The following PANX2 variants were observed in gnomAD, a reference collection of about 807,000 sequenced individuals.
The protein encoded by PANX2 is pannexin 2.
Under a neutral mutation model 38.7 loss-of-function variants are expected in PANX2, and 30 were observed. That is an observed-to-expected ratio of 0.78 (90% CI 0.58 to 1.05). PANX2 has a LOEUF of 1.05. Ranked by LOEUF, PANX2 falls within the 50% of genes least tolerant of loss-of-function variation. PANX2 has a pLI of 0.00. For missense variants in PANX2, 880 were observed against 979.3 expected, an observed-to-expected ratio of 0.90 and a Z score of 1.35; for synonymous variants, 539 against 472.1, an observed-to-expected ratio of 1.14 and a Z score of -1.84.
Position 50,177,277 on chromosome 22 carries a change from G to GAGCGCGAGA in PANX2, c.575_583dup (p.Lys192_Glu194dup). On this transcript the variant is annotated inframe_insertion, in exon 2 of 3. Transcript: ENST00000395842. ...CCAGTCCAAGGGCCCGGGCATCACG[G>GAGCGCGAGA]AGCGCGAGAAGCGCGAGATCATCGA... 1 of 1,612,390 alleles carries GAGCGCGAGA rather than the reference G, an allele frequency of 6.2e-7. No individual in the cohort carries two copies. Among genetic ancestry groups the GAGCGCGAGA allele is most frequent in the Admixed American group, 1.7e-5 (1 of 59,948 alleles).
In PANX2 at chr22:50,179,289, G is replaced by C; in HGVS notation, c.*12G>C. ...CTGTGGAGTTTTGAGGGATGGCACC[G>C]TCCAGGCCGCCGAGAGCCCCTCTGC... is the stretch of plus-strand genomic sequence containing the variant. On this transcript the variant is annotated 3_prime_UTR_variant, in exon 3 of 3. Transcript: ENST00000395842. 1 of 1,605,806 alleles carries C rather than the reference G, an allele frequency of 6.2e-7. No homozygotes were observed. Among genetic ancestry groups the C allele is most frequent in the African/African-American group, 1.3e-5 (1 of 74,908 alleles).
Position 50,179,529 on chromosome 22 carries a change from T to C in PANX2, c.*252T>C. On this transcript the variant is annotated 3_prime_UTR_variant, in exon 3 of 3. Coordinates refer to ENST00000395842, the MANE Select transcript of PANX2 (RefSeq NM_052839.4). ...CAGTGGAGCCGGTGGCCAGGAAGGC[T>C]GAAGCCCGCTTCCCATGCTCCTGCA... is the stretch of plus-strand genomic sequence containing the variant. 1.9e-6 allele frequency: 1 copy of C among 526,258 alleles called. No individual in the cohort carries two copies. 32.6% of individuals were successfully genotyped at this position (526,258 alleles called of 1,614,324 possible).
chr22:50,177,395 T>C lies in PANX2; in HGVS notation c.683T>C (p.Leu228Pro). The change falls in exon 2 of 3, where the codon CTG (leucine) becomes CCG (proline). Residue 228 changes from leucine (L) to proline (P), a missense_variant. This residue lies in a region of PANX2 where 243 missense variants were observed against 333.1 expected (regional missense o/e 0.73). Coordinates refer to ENST00000395842, the MANE Select transcript of PANX2 (RefSeq NM_052839.4). Reference protein sequence around the residue: ...GRSNFLAKLYLARHVLILLLS... With the variant: ...GRSNFLAKLYPARHVLILLLS... ...AGCAACTTCCTGGCCAAGCTGTACC[T>C]GGCGCGGCACGTGCTGATCCTGCTG... is the stretch of plus-strand genomic sequence containing the variant. The C allele has an allele frequency of 1.9e-6, 3 of 1,609,654 alleles. No homozygotes were observed. The highest frequency in any genetic ancestry group is 2.5e-6 in the Non-Finnish European group (3 of 1,178,578).
chr22:50,178,616 G>A (rs2063679477), intron 2 of PANX2, among the ~76,000 whole-genome samples: 2 of 152,326 alleles, frequency 1.3e-5, no homozygotes, highest in East Asian at 1.9e-4. Context: ...GCAGGGCCCT[G>A]GAGACCCCCC....
rs1340702585 is a variant in PANX2 at position 50,177,001 on chromosome 22, G to A, written c.289G>A (p.Gly97Ser). Residue 97 changes from glycine (G) to serine (S), a missense_variant, in exon 2 of 3, where the codon GGC becomes AGC. Coordinates refer to ENST00000395842, the MANE Select transcript of PANX2 (RefSeq NM_052839.4). ...FTRDQALYAR[G>S]YCWTELRDAL... ...GCGCGACCAGGCGCTGTACGCCCGC[G>A]GCTACTGCTGGACGGAGCTGCGGGA... The A allele has an allele frequency of 1.3e-6, 2 of 1,594,910 alleles. No homozygotes were observed. Among genetic ancestry groups the A allele is most frequent in the South Asian group, 1.1e-5 (1 of 89,338 alleles).
intron 1 of PANX2, among the ~76,000 whole-genome samples, chr22:50,173,977 C>T (rs1038625308): frequency 6.6e-6 from 1 of 152,130 alleles, no homozygotes; most frequent in East Asian, 1.9e-4. Flanking sequence ...CCACAGGCTC[C>T]GGGGTTGGGA....
At chr22:50,176,474 C>T (rs2063661725) in intron 1 of PANX2, among the ~76,000 whole-genome samples, 1 of 152,116 alleles carries the variant, frequency 6.6e-6, no homozygotes, top group Non-Finnish European at 1.5e-5. Flanking sequence ...ACCCTGCCAG[C>T]TAGCAGCACC....
Position 50,179,223 on chromosome 22 carries a change from C to G in PANX2, c.1980C>G (p.Ile660Met). Residue 660 changes from isoleucine (I) to methionine (M), a missense_variant, in exon 3 of 3, where the codon ATC becomes ATG. Ile to Met is a conservative substitution (Grantham distance 10). This residue lies in a region of PANX2 where 445 missense variants were observed against 404.3 expected (regional missense o/e 1.10). Transcript: ENST00000395842. ...DLIAIPAPQQILIATFDEPRT... is the reference protein window; with the variant it reads ...DLIAIPAPQQMLIATFDEPRT... Reference sequence around the variant, plus strand: ...TCGCCATCCCTGCCCCACAGCAGATCCTCATCGCCACCTTCGACGAGCCGA... The same window carrying G: ...TCGCCATCCCTGCCCCACAGCAGATGCTCATCGCCACCTTCGACGAGCCGA... 1 of 1,612,750 alleles carries G rather than the reference C, an allele frequency of 6.2e-7. No individual in the cohort carries two copies. Among genetic ancestry groups the G allele is most frequent in the South Asian group, 1.1e-5 (1 of 91,082 alleles).
chr22:50,175,445 C>G, intron 1 of PANX2: 1 of 1,300,894 alleles, frequency 7.7e-7, no homozygotes, highest in South Asian at 1.2e-5. Context: ...GGACGCTCTT[C>G]TCTGGCTCCT....
rs145485598 is a variant in PANX2, at chr22:50,179,103, C to T, written c.1860C>T (p.Asn620=). 3 of 1,611,934 alleles carry T rather than the reference C, an allele frequency of 1.9e-6. No individual in the cohort carries two copies. The highest frequency in any genetic ancestry group is 2.2e-5 in the East Asian group (1 of 44,830). The part of the protein sequence containing the change: ...KAEPLTILSR[N]ATHPLLHINT... ...AGCCCCTCACCATCCTGAGCCGAAACGCCACACACCCGCTGCTGCACATCA... is the reference window on the plus strand; with the variant it reads ...AGCCCCTCACCATCCTGAGCCGAAATGCCACACACCCGCTGCTGCACATCA... The change falls in exon 3 of 3, where the codon AAC becomes AAT. Residue 620 remains asparagine, a synonymous_variant. Coordinates refer to ENST00000395842, the MANE Select transcript of PANX2 (RefSeq NM_052839.4).
At position 50,178,265 on chromosome 22, in the gene PANX2, A is replaced by G. The variant is rs1415921894; in HGVS notation, c.1553A>G (p.His518Arg). 6.9e-7 allele frequency: 1 copy of G among 1,444,636 alleles called. No homozygotes were observed. Among genetic ancestry groups the G allele is most frequent in the Admixed American group, 2.2e-5 (1 of 46,228 alleles). 89.5% of individuals were successfully genotyped at this position (1,444,636 alleles called of 1,614,324 possible). Reference protein sequence around the residue: ...KHARHFSLDVHPYILGTKKAK... With the variant: ...KHARHFSLDVRPYILGTKKAK... ...GCGCGCCACTTCTCCCTGGACGTGC[A>G]CCCCTACATCCTCGGCACCAAGAAG... Residue 518 changes from histidine to arginine, a missense_variant, in exon 2 of 3, where the codon CAC becomes CGC. Coordinates refer to ENST00000395842, the MANE Select transcript of PANX2 (RefSeq NM_052839.4).
rs764568872 is a variant in PANX2 at position 50,178,452 on chromosome 22, C to T, written c.1690+50C>T. 2.6e-5 allele frequency: 32 copies of T among 1,245,044 alleles called. No individual in the cohort carries two copies. In the South Asian group the frequency reaches 5.5e-4, roughly 21 times the overall value. The allele number at this position is 1,245,044 out of a possible 1,614,324, so 77.1% of individuals were successfully genotyped here. ...GACGGGGGACTGGGGGTGGGAGAGG[C>T]GCCCACAGCCACAGCGGCCCACGGG... On this transcript the variant is annotated intron_variant, in intron 2 of 2. Transcript: ENST00000395842.
At position 50,179,471 on chromosome 22, in the gene PANX2, G is replaced by A. The variant is rs1003241054; in HGVS notation, c.*194G>A. The stretch of plus-strand genomic sequence containing the variant: ...CAGGGGAACCCGCCCGGACGGCATC[G>A]CCAGGCACTGGCTGGGGTGGGGAAA... On this transcript the variant is annotated 3_prime_UTR_variant, in exon 3 of 3. Coordinates refer to ENST00000395842, the MANE Select transcript of PANX2 (RefSeq NM_052839.4). The A allele has an allele frequency of 3.5e-6, 2 of 576,256 alleles. No homozygotes were observed. The highest frequency in any genetic ancestry group is 3.1e-5 in the East Asian group (1 of 32,070). The allele number at this position is 576,256 out of a possible 1,614,324, so 35.7% of individuals were successfully genotyped here.
chr22:50,178,026 G>C lies in PANX2; in HGVS notation c.1314G>C (p.Pro438=), dbSNP rs1461752157. ...TGAAGTGGATCCCCACCAGCAACCC[G>C]CTTCCGCAGCCCTTCAAGGAGCCGC... ...KKMKWIPTSN[P]LPQPFKEPLA... The change falls in exon 2 of 3, where the codon CCG becomes CCC. Residue 438 remains proline, a synonymous_variant. Coordinates refer to ENST00000395842, the MANE Select transcript of PANX2 (RefSeq NM_052839.4). 4 of 1,548,240 alleles carry C rather than the reference G, an allele frequency of 2.6e-6. No homozygotes were observed. The highest frequency in any genetic ancestry group is 3.5e-6 in the Non-Finnish European group (4 of 1,153,050).
At position 50,177,168 on chromosome 22, in the gene PANX2, C is replaced by A; in HGVS notation, c.456C>A (p.Ser152=). ...TCCTGGCCTCCACGCGCCTCACCTCCGAGCTCAACTTCCTGCTGCAGGAGA... is the reference window on the plus strand; with the variant it reads ...TCCTGGCCTCCACGCGCCTCACCTCAGAGCTCAACTTCCTGCTGCAGGAGA... ...WEFLASTRLT[S]ELNFLLQEID... is the part of the protein sequence containing the mutation. The change falls in exon 2 of 3, where the codon TCC becomes TCA. Residue 152 remains serine (S), a synonymous_variant. Transcript: ENST00000395842. The A allele has an allele frequency of 6.2e-7, 1 of 1,608,696 alleles. No homozygotes were observed. The highest frequency in any genetic ancestry group is 8.5e-7 in the Non-Finnish European group (1 of 1,177,684).
intron 1 of PANX2, among the ~76,000 whole-genome samples, chr22:50,174,321 C>A (rs1259964959): frequency 8.3e-6 from 1 of 121,048 alleles, no homozygotes; most frequent in African/African-American, 3.2e-5. Flanking sequence ...TTGGGGATGG[C>A]AGAACCGAAG....
chr22:50,178,206 C>CCCCGCCCCGCCG lies in PANX2; in HGVS notation c.1503_1514dup (p.Pro502_Pro505dup). On this transcript the variant is annotated inframe_insertion, in exon 2 of 3. Transcript: ENST00000395842. ...ACCCGGGCCCCGGCCCCGCCCCTGC[C>CCCCGCCCCGCCG]CCCGCCCCGCCGCCCGCCCCTGACA... 1 of 1,457,884 alleles carries CCCCGCCCCGCCG rather than the reference C, an allele frequency of 6.9e-7. No individual in the cohort carries two copies. Among genetic ancestry groups the CCCCGCCCCGCCG allele is most frequent in the East Asian group, 2.6e-5 (1 of 38,276 alleles). The allele number at this position is 1,457,884 out of a possible 1,614,324, so 90.3% of individuals were successfully genotyped here. A position where few individuals can be genotyped will look rare whatever the true frequency, so the allele number is the denominator to read the frequency against.
intron 1 of PANX2, among the ~76,000 whole-genome samples, chr22:50,171,794 C>A (rs2063633771): frequency 1.3e-5 from 2 of 152,120 alleles, no homozygotes; most frequent in Non-Finnish European, 1.5e-5. Context: ...GGATCAGGGT[C>A]TCCTGGCCTG....
chr22:50,174,486 T>C (rs1042808655), intron 1 of PANX2, among the ~76,000 whole-genome samples: 3 of 152,144 alleles, frequency 2.0e-5, no homozygotes, highest in Non-Finnish European at 4.4e-5. Flanking sequence ...CTGCCAACTC[T>C]GATATTGTCA....
Sources: gnomAD v4.1 joint callset for allele counts (sites outside exome capture counted in the v4.1 genomes callset) on GRCh38, gnomAD v4.1.1 for gene constraint, gnomAD v4.1.1 regional missense constraint, MANE v1.5 for transcripts, NCBI Gene and HGNC (gene_info 2026-07-23, HGNC 2026-07-21) for gene names.